Variants in IL1RAP observed in about 807,000 individuals in gnomAD.
The protein encoded by IL1RAP is interleukin-1 receptor accessory protein.
Under a neutral mutation model 60.7 loss-of-function variants are expected in IL1RAP, and 35 were observed. The observed-to-expected ratio is 0.58, with a 90% CI of 0.44 to 0.76. The LOEUF is 0.76. Ranked by LOEUF, IL1RAP falls within the 30% of genes least tolerant of loss-of-function variation. The probability of loss-of-function intolerance (pLI) is 0.00; values close to 1 mark genes in which losing one functional copy is unlikely to be tolerated. For synonymous variants in IL1RAP, 268 were observed against 250.9 expected (o/e 1.07, Z -0.64); for missense variants, 572 against 693.9 (o/e 0.82, Z 1.97).
chr3:190,521,633 C>G (rs942504888), intron 1 of IL1RAP, among the ~76,000 whole-genome samples: 4 of 151,920 alleles, frequency 2.6e-5, no homozygotes, highest in African/African-American at 9.7e-5. Context: ...TCATTGGCCT[C>G]GGTGAGAATT....
intron 1 of IL1RAP, among the ~76,000 whole-genome samples, chr3:190,552,883 A>G (rs560520774): frequency 1.3e-5 from 2 of 152,346 alleles, no homozygotes; most frequent in Admixed American, 6.5e-5. Context: ...TATAACTATA[A>G]CTTGGATATC....
exon 12 of IL1RAP, chr3:190,659,068 C>T (rs774470289): frequency 1.8e-4 from 28 of 152,100 alleles, no homozygotes; most frequent in African/African-American, 5.8e-4. Flanking sequence ...TAAGCGGCTC[C>T]GAAGCTCAAG....
intron 9 of IL1RAP, among the ~76,000 whole-genome samples, chr3:190,633,988 A>AT (rs1245854515): frequency 2.6e-5 from 4 of 152,048 alleles, no homozygotes; most frequent in Non-Finnish European, 5.9e-5. Context: ...TATATACAGG[A>AT]TTTTTTTGTA....
chr3:190,549,023 C>T (rs1724621245), intron 1 of IL1RAP, among the ~76,000 whole-genome samples: 1 of 152,052 alleles, frequency 6.6e-6, no homozygotes, highest in South Asian at 2.1e-4. Context: ...CCTTAGGGTT[C>T]TTTTCACGTG....
chr3:190,553,986 G>A (rs1451207729), intron 1 of IL1RAP, among the ~76,000 whole-genome samples: 1 of 146,638 alleles, frequency 6.8e-6, no homozygotes, highest in Non-Finnish European at 1.5e-5. Flanking sequence ...GCGTGAACCC[G>A]GGAGGCGGAG....
intron 9 of IL1RAP, among the ~76,000 whole-genome samples, chr3:190,635,768 A>C (rs576957644): frequency 5.3e-5 from 8 of 152,300 alleles, no homozygotes; most frequent in South Asian, 2.1e-4. Context: ...AAGTTTAGCT[A>C]ATGTAAAAAA....
At chr3:190,550,462 A>C (rs1326713143) in intron 1 of IL1RAP, 2 of 152,294 alleles carry the variant, frequency 1.3e-5, no homozygotes, top group South Asian at 2.1e-4. Flanking sequence ...TCGTCCTCCA[A>C]GAAGGGAGAG....
rs1252632227 is a variant in IL1RAP, at chr3:190,650,401, C to G, written c.*1696C>G. 8 of 985,282 alleles carry G rather than the reference C, an allele frequency of 8.1e-6. No individual in the cohort carries two copies. Among genetic ancestry groups the G allele is most frequent in the African/African-American group, 1.7e-5 (1 of 57,232 alleles). 61.0% of individuals were successfully genotyped at this position (985,282 alleles called of 1,614,324 possible). ...GCATTAATTGATTTCCTACTATATT[C>G]CCAGCAGACACATTTAGAAACTAAG... On this transcript the variant is annotated 3_prime_UTR_variant, in exon 12 of 12. Transcript: ENST00000447382.
intron 1 of IL1RAP, among the ~76,000 whole-genome samples, chr3:190,553,920 G>T (rs1000590002): frequency 4.6e-5 from 7 of 151,618 alleles, no homozygotes; most frequent in Admixed American, 4.6e-4. Flanking sequence ...AATTAGCCGG[G>T]CGTAGTGGCG....
downstream of IL1RAP, among the ~76,000 whole-genome samples, chr3:190,652,693 C>G (rs941067409): frequency 2.0e-5 from 3 of 152,144 alleles, no homozygotes; most frequent in Non-Finnish European, 4.4e-5. Flanking sequence ...TTTGGAAATA[C>G]TAGGCCTGCC....
chr3:190,552,073 A>T (rs1044756149), intron 1 of IL1RAP, among the ~76,000 whole-genome samples: 2 of 152,190 alleles, frequency 1.3e-5, no homozygotes, highest in African/African-American at 4.8e-5. Flanking sequence ...CCTTTGAAGT[A>T]TCCAAAAAGC....
At chr3:190,654,422 A>C (rs1577839050), downstream of IL1RAP, among the ~76,000 whole-genome samples, 4 of 152,232 alleles carry the variant, frequency 2.6e-5, no homozygotes, top group Admixed American at 2.6e-4. Flanking sequence ...ATGTGCACAC[A>C]CTCGTACACA....
chr3:190,551,457 C>T (rs1724856213), intron 1 of IL1RAP, among the ~76,000 whole-genome samples: 1 of 152,192 alleles, frequency 6.6e-6, no homozygotes, highest in Non-Finnish European at 1.5e-5. Context: ...AAATTTTCTT[C>T]ACAGGAGGAT....
At chr3:190,572,540 C>T (rs1727017803) in intron 3 of IL1RAP, among the ~76,000 whole-genome samples, 1 of 152,070 alleles carries the variant, frequency 6.6e-6, no homozygotes, top group African/African-American at 2.4e-5. Context: ...TAAAATATTC[C>T]TACACGGGTT....
intron 3 of IL1RAP, among the ~76,000 whole-genome samples, chr3:190,570,357 T>G (rs1240767857): frequency 6.6e-6 from 1 of 152,186 alleles, no homozygotes; most frequent in Non-Finnish European, 1.5e-5. Context: ...AATAATCACT[T>G]CCTCAGCAAC....
At chr3:190,576,999 G>A (rs1727528120) in intron 3 of IL1RAP, among the ~76,000 whole-genome samples, 1 of 151,564 alleles carries the variant, frequency 6.6e-6, no homozygotes. Flanking sequence ...TACTCGGGAG[G>A]CTGAGGCAGG....
chr3:190,585,744 T>A (rs1401925813), intron 3 of IL1RAP, among the ~76,000 whole-genome samples: 1 of 151,504 alleles, frequency 6.6e-6, no homozygotes, highest in African/African-American at 2.4e-5. Context: ...CCCGGGAGGC[T>A]GAGGTTGCAG....
At chr3:190,525,892 A>T in intron 1 of IL1RAP, among the ~76,000 whole-genome samples, 1 of 152,312 alleles carries the variant, frequency 6.6e-6, no homozygotes, top group Non-Finnish European at 1.5e-5. Flanking sequence ...TATGTAATCA[A>T]TTCCCCAAAA....
At chr3:190,592,918 C>G (rs1336288885) in intron 3 of IL1RAP, among the ~76,000 whole-genome samples, 2 of 152,034 alleles carry the variant, frequency 1.3e-5, no homozygotes, top group African/African-American at 4.8e-5. Flanking sequence ...CTGGATGGAA[C>G]TGCCACTTCA....
Sources: gnomAD v4.1 joint callset for allele counts (sites outside exome capture counted in the v4.1 genomes callset) on GRCh38, gnomAD v4.1.1 for gene constraint, MANE v1.5 for transcripts, NCBI Gene and HGNC (gene_info 2026-07-23, HGNC 2026-07-21) for gene names.